Variants in CELF2 observed in about 807,000 individuals in gnomAD.
CELF2 encodes the protein CUG triplet repeat RNA-binding protein 2.
CELF2 carries 8 observed loss-of-function variants against 62.6 expected under a neutral mutation model. The ratio of observed to expected loss-of-function variants is 0.13; its 90% CI spans 0.07 to 0.23. CELF2 has a LOEUF of 0.23. CELF2 is among the 10% of genes least tolerant of loss of function. The pLI, the probability that CELF2 is intolerant of heterozygous loss-of-function variation, is 1.00. For synonymous variants in CELF2, 258 were observed against 250.0 expected (o/e 1.03, Z -0.30); for missense variants, 333 against 671.0 (o/e 0.50, Z 5.56).
intron 1 of CELF2, among the ~76,000 whole-genome samples, chr10:11,154,768 C>G (rs7084558): frequency 0.17 from 25,255 of 152,196 alleles, 2,341 homozygotes; most frequent in African/African-American, 0.25. Flanking sequence ...AAGTTTACTT[C>G]TGGATTCATG....
the CELF2 span, among the ~76,000 whole-genome samples, chr10:10,543,259 G>T: frequency 6.6e-6 from 1 of 152,094 alleles, no homozygotes; most frequent in African/African-American, 2.4e-5. Flanking sequence ...ACTGGCCAAG[G>T]TTACAGCTGC....
chr10:11,157,248 G>A lies in CELF2; in HGVS notation c.75-8238G>A, dbSNP rs1003890093. Among the ~76,000 whole-genome samples, 3 of 152,172 alleles carry A rather than the reference G, an allele frequency of 2.0e-5. No individual in the cohort carries two copies. The highest frequency in any genetic ancestry group is 4.4e-5 in the Non-Finnish European group (3 of 68,034). ...CATGGTTGTAGAGGAGCTGTGCTCT[G>A]GGGCCGCGTTTCCCACCTTCCCAGC... is the stretch of plus-strand genomic sequence containing the variant. On this transcript the variant is annotated intron_variant, in intron 1 of 12. Coordinates refer to ENST00000633077, the MANE Select transcript of CELF2 (RefSeq NM_001326342.2). This position sits in a 1 kb window ranked among gnomAD's most constrained non-coding sequence, Gnocchi z 4.9.
At chr10:10,502,717 C>A in the CELF2 span, among the ~76,000 whole-genome samples, 1 of 151,666 alleles carries the variant, frequency 6.6e-6, no homozygotes, top group African/African-American at 2.4e-5. Flanking sequence ...AAAAAATAGC[C>A]TTAGTTTTTC....
Position 11,145,793 on chromosome 10 carries a change from T to G in CELF2, c.75-19693T>G, listed in dbSNP as rs1317819254. Among the ~76,000 whole-genome samples the G allele has an allele frequency of 1.3e-5, 2 of 152,268 alleles. No individual in the cohort carries two copies. The highest frequency in any genetic ancestry group is 4.8e-5 in the African/African-American group (2 of 41,478). On this transcript the variant is annotated intron_variant, in intron 1 of 12. Transcript: ENST00000633077. The surrounding 1 kb of genome is among the most constrained non-coding windows in gnomAD (Gnocchi z 4.3). ...GTGTCATTACCAGTATTGGTTGCAC[T>G]ACTGTAGCGTTCTGGGTGCTGGGGA...
the CELF2 span, among the ~76,000 whole-genome samples, chr10:10,588,619 A>G: frequency 6.6e-6 from 1 of 152,268 alleles, no homozygotes; most frequent in East Asian, 1.9e-4. Context: ...ATTGTAGATG[A>G]CTCAAGTTTG....
the CELF2 span, among the ~76,000 whole-genome samples, chr10:10,683,644 G>A: frequency 4.6e-5 from 7 of 152,200 alleles, no homozygotes; most frequent in Admixed American, 6.5e-5. Flanking sequence ...CGCAGTTTTA[G>A]AGTACAGATG....
intron 2 of CELF2, among the ~76,000 whole-genome samples, chr10:11,179,280 T>A (rs1282016314): frequency 1.6e-5 from 2 of 127,928 alleles, no homozygotes; most frequent in African/African-American, 5.6e-5. Context: ...TACTGTACTG[T>A]TAAAAAAAAA....
intron 2 of CELF2, among the ~76,000 whole-genome samples, chr10:10,945,353 C>A (rs1412908223): frequency 1.3e-5 from 2 of 152,128 alleles, no homozygotes; most frequent in African/African-American, 2.4e-5. Context: ...GCCCTGAGTA[C>A]CTGCTCTCGG....
chr10:11,004,022 T>TA (rs2054795669), upstream of CELF2, among the ~76,000 whole-genome samples: 1 of 152,146 alleles, frequency 6.6e-6, no homozygotes, highest in African/African-American at 2.4e-5. This position sits in a 1 kb window ranked among gnomAD's most constrained non-coding sequence, Gnocchi z 5.0. Context: ...AGTGGAGATT[T>TA]AAAAACCTTC....
At position 11,098,262 on chromosome 10, in the gene CELF2, A is replaced by G. The variant is rs1158119345; in HGVS notation, c.75-67224A>G. ...GGGACGTTCTGTGCTGTGAGCAGCG[A>G]CGGGCACCCAGCAGCCCTCGCCTTG... On this transcript the variant is annotated intron_variant, in intron 1 of 12. Coordinates refer to ENST00000633077, the MANE Select transcript of CELF2 (RefSeq NM_001326342.2). This position sits in a 1 kb window ranked among gnomAD's most constrained non-coding sequence, Gnocchi z 4.0. 1 of 152,460 alleles carries G rather than the reference A, an allele frequency of 6.6e-6. No homozygotes were observed. The highest frequency in any genetic ancestry group is 1.5e-5 in the Non-Finnish European group (1 of 68,150). The allele number at this position is 152,460 out of a possible 1,614,324, so 9.4% of individuals were successfully genotyped here. A position where few individuals can be genotyped will look rare whatever the true frequency, so the allele number is the denominator to read the frequency against.
the CELF2 span, among the ~76,000 whole-genome samples, chr10:10,696,963 G>A: frequency 6.6e-6 from 1 of 152,220 alleles, no homozygotes; most frequent in Non-Finnish European, 1.5e-5. Flanking sequence ...CACGCTGGGA[G>A]CTGTAGAGGG....
In CELF2 at chr10:11,157,318, T is replaced by G. The variant is rs911499621; in HGVS notation, c.75-8168T>G. 3.9e-5 allele frequency among the ~76,000 whole-genome samples: 6 copies of G among 152,154 alleles called. No homozygotes were observed. Among genetic ancestry groups the G allele is most frequent in the African/African-American group, 1.4e-4 (6 of 41,404 alleles). Reference sequence around the variant, plus strand: ...GCCTTTTTCTCCCCAGTTTTTTGTTTCGTTTCAATGCCATTGCCAACTAGG... The same window carrying G: ...GCCTTTTTCTCCCCAGTTTTTTGTTGCGTTTCAATGCCATTGCCAACTAGG... On this transcript the variant is annotated intron_variant, in intron 1 of 12. Coordinates refer to ENST00000633077, the MANE Select transcript of CELF2 (RefSeq NM_001326342.2). This position sits in a 1 kb window ranked among gnomAD's most constrained non-coding sequence, Gnocchi z 4.9.
chr10:10,920,142 G>A, intron 2 of CELF2: 1 of 468,382 alleles, frequency 2.1e-6, no homozygotes, highest in Non-Finnish European at 3.4e-6. Context: ...CCATGTAAAT[G>A]CCAAAAATTA....
At chr10:11,323,191 A>T (rs1262807715) in intron 11 of CELF2, among the ~76,000 whole-genome samples, 1 of 151,986 alleles carries the variant, frequency 6.6e-6, no homozygotes, top group Non-Finnish European at 1.5e-5. Context: ...GATTAAGATA[A>T]AATTGCCCAA....
At chr10:11,103,148 T>C (rs1436980687) in intron 1 of CELF2, among the ~76,000 whole-genome samples, 2 of 152,290 alleles carry the variant, frequency 1.3e-5, no homozygotes, top group Non-Finnish European at 2.9e-5. Context: ...GAGTGACTTC[T>C]GTACATTCTT....
chr10:11,006,128 G>A (rs1447888540), intron 1 of CELF2, among the ~76,000 whole-genome samples: 2 of 152,198 alleles, frequency 1.3e-5, no homozygotes, highest in African/African-American at 4.8e-5. Context: ...TTTGAAAAAT[G>A]TAGTCTTTTG....
rs2062849885 is a variant in CELF2, at chr10:11,046,389, TG to T, written c.74+28229del. Among the ~76,000 whole-genome samples the T allele has an allele frequency of 6.6e-6, 1 of 152,234 alleles. No individual in the cohort carries two copies. Among genetic ancestry groups the T allele is most frequent in the Non-Finnish European group, 1.5e-5 (1 of 68,044 alleles). ...CTCCCTAGACGACTTGGCCCAGAGT[TG>T]GGCACAGAGTATGCCCTCAATAAGT... On this transcript the variant is annotated intron_variant, in intron 1 of 12. Coordinates refer to ENST00000633077, the MANE Select transcript of CELF2 (RefSeq NM_001326342.2). The surrounding 1 kb of genome is among the most constrained non-coding windows in gnomAD (Gnocchi z 4.6).
intron 2 of CELF2, among the ~76,000 whole-genome samples, chr10:11,208,668 C>T (rs1418996713): frequency 1.3e-5 from 2 of 152,050 alleles, no homozygotes; most frequent in Non-Finnish European, 2.9e-5. Flanking sequence ...TACAGAATGA[C>T]GGAAGGAAAG....
At chr10:10,615,784 C>T in the CELF2 span, among the ~76,000 whole-genome samples, 60 of 152,234 alleles carry the variant, frequency 3.9e-4, 1 homozygote, top group Middle Eastern at 3.4e-3. Flanking sequence ...CCTGAGGCCT[C>T]CCCAGAAGCC....
Sources: gnomAD v4.1 joint callset for allele counts (sites outside exome capture counted in the v4.1 genomes callset) on GRCh38, gnomAD v4.1.1 for gene constraint, Gnocchi (gnomAD v3.1) non-coding constraint, MANE v1.5 for transcripts, NCBI Gene and HGNC (gene_info 2026-07-23, HGNC 2026-07-21) for gene names.